Variants in TRO observed in about 807,000 individuals in gnomAD.
TRO encodes trophinin.
In TRO, 29 loss-of-function variants were observed where a neutral mutation model predicts 42.3. The ratio of observed to expected loss-of-function variants is 0.68; its 90% confidence interval spans 0.51 to 0.93. The LOEUF (loss-of-function observed/expected upper bound fraction) is 0.93, where lower values mean the gene tolerates loss of function less well. Among genes scored for constraint, TRO ranks in the 40% least tolerant of loss-of-function variants. TRO has a pLI of 0.00. For synonymous variants in TRO, 384 were observed against 425.2 expected, an observed-to-expected ratio of 0.90 and a Z score of 1.19; for missense variants, 963 against 1,127.7, an observed-to-expected ratio of 0.85 and a Z score of 2.09.
Position 54,930,776 on chromosome X carries a change from C to T in TRO, c.4052C>T (p.Pro1351Leu), listed in dbSNP as rs780044203. Residue 1351 changes from proline (P) to leucine (L), a missense_variant, in exon 12 of 13, where the codon CCC becomes CTC. Around this residue, in one of 2 missense-constraint regions of TRO, gnomAD observed 641 missense variants for 811.3 expected, o/e 0.79. Coordinates refer to ENST00000173898, the MANE Select transcript of TRO (RefSeq NM_001039705.3). ...SNTSTGFTGE[P>L]STSTGFSSGP... is the part of the protein sequence containing the mutation. Reference sequence around the variant, plus strand: ...ACCAGCACTGGCTTTACTGGCGAACCCAGCACCAGCACGGGCTTCAGTAGT... The same window carrying T: ...ACCAGCACTGGCTTTACTGGCGAACTCAGCACCAGCACGGGCTTCAGTAGT... 8.3e-7 allele frequency: 1 copy of T among 1,212,078 alleles called. No homozygotes were observed. Among genetic ancestry groups the T allele is most frequent in the Admixed American group, 2.2e-5 (1 of 46,063 alleles).
At position 54,922,573 on chromosome X, in the gene TRO, T is replaced by C. The variant is rs1447084780; in HGVS notation, c.46-5T>C. 1.7e-6 allele frequency: 2 copies of C among 1,201,614 alleles called. No individual in the cohort carries two copies. The highest frequency in any genetic ancestry group is 3.5e-5 in the African/African-American group (2 of 56,854). On this transcript the variant is annotated splice_polypyrimidine_tract_variant and splice_region_variant and intron_variant, in intron 2 of 12. Coordinates refer to ENST00000173898, the MANE Select transcript of TRO (RefSeq NM_001039705.3). ...GCCCAGAGGATGGTAATCCTAAGTG[T>C]GTAGGGCCCTCTGCCTCCCCCGGGG...
chrX:54,927,325 G>C (rs1932801275), intron 10 of TRO: 12 of 505,063 alleles, frequency 2.4e-5, no homozygotes, highest in Non-Finnish European at 4.2e-5. Flanking sequence ...CAGAGCAGAG[G>C]GCCTTAAGAA....
chrX:54,926,856 C>T (rs935813329), intron 9 of TRO, 187 bp from the exon 10 acceptor site: 7 of 625,769 alleles, frequency 1.1e-5, no homozygotes, highest in Non-Finnish European at 1.7e-5. Context: ...GATAGACCTT[C>T]AGGGATCCCT....
intron 3 of TRO, 103 bp from the exon 4 acceptor site, chrX:54,924,348 G>A: frequency 1.3e-6 from 1 of 745,859 alleles, no homozygotes; most frequent in Non-Finnish European, 1.9e-6. Flanking sequence ...AAGGCTGAGG[G>A]AGGGGGTTAG....
intron 2 of TRO, 53 bp downstream of exon 2, chrX:54,922,344 T>G: frequency 6.9e-6 from 8 of 1,159,992 alleles, no homozygotes; most frequent in Non-Finnish European, 8.2e-6. Context: ...TGAGTTCACT[T>G]ACTGCTCTTC....
At chrX:54,925,177 T>C (rs906436339) in intron 6 of TRO, 109 bp downstream of exon 6, 1 of 781,265 alleles carries the variant, frequency 1.3e-6, no homozygotes, top group Non-Finnish European at 1.8e-6. Context: ...TCCAGCCCCA[T>C]TACTGTGTGA....
At chrX:54,924,312 A>C in intron 3 of TRO, 139 bp from the exon 4 acceptor site, 1 of 532,483 alleles carries the variant, frequency 1.9e-6, no homozygotes. Context: ...GCCAATGGCA[A>C]GGTCAGGATC....
At position 54,927,711 on chromosome X, in the gene TRO, A is replaced by G. The variant is rs1311769589; in HGVS notation, c.1808A>G (p.Tyr603Cys). Residue 603 changes from tyrosine to cysteine, a missense_variant, in exon 11 of 13, where the codon TAT (tyrosine) becomes TGT (cysteine). Transcript: ENST00000173898. ...GTCCCTAACAGCAGACCACCTGAAT[A>G]TGAGTTCTTCTGGGGCTTGCGCTCC... ...KRVPNSRPPE[Y>C]EFFWGLRSYH... is the part of the protein sequence containing the mutation. The G allele has an allele frequency of 8.3e-7, 1 of 1,211,606 alleles. No individual in the cohort carries two copies. The highest frequency in any genetic ancestry group is 1.1e-6 in the Non-Finnish European group (1 of 895,419).
rs774004183 is a variant in TRO at position 54,924,998 on chromosome X, G to A, written c.1415G>A (p.Arg472Lys). The part of the protein sequence containing the change: ...KIPIKRSDML[R>K]DVIQEYDEYF... ...CTCTCCTTTTCTACAGACATGCTGAGGGATGTCATCCAAGAATATGATGAA... is the reference window on the plus strand; with the variant it reads ...CTCTCCTTTTCTACAGACATGCTGAAGGATGTCATCCAAGAATATGATGAA... Residue 472 changes from arginine to lysine, a missense_variant, in exon 6 of 13, where the codon AGG (arginine) becomes AAG (lysine). By Grantham distance (26) the Arg-to-Lys change is conservative. Coordinates refer to ENST00000173898, the MANE Select transcript of TRO (RefSeq NM_001039705.3). 18 of 1,209,151 alleles carry A rather than the reference G, an allele frequency of 1.5e-5. No homozygotes were observed. In the Middle Eastern group the frequency reaches 6.9e-4, roughly 46 times the overall value.
chrX:54,922,129 A>T, intron 1 of TRO, 74 bp from the exon 2 acceptor site: 1 of 822,435 alleles, frequency 1.2e-6, no homozygotes, highest in Non-Finnish European at 1.7e-6. Context: ...GCCCAAGGTT[A>T]CATGAGACTC....
intron 3 of TRO, 47 bp downstream of exon 3, chrX:54,923,815 T>C (rs1485932340): frequency 9.1e-7 from 1 of 1,101,834 alleles, no homozygotes; most frequent in Non-Finnish European, 1.2e-6. Context: ...TTCTTTTCCA[T>C]TTCTACCCTT....
chrX:54,925,455 G>A (rs966374170), intron 6 of TRO, 137 bp from the exon 7 acceptor site: 7 of 501,719 alleles, frequency 1.4e-5, no homozygotes, highest in Admixed American at 1.1e-4. Flanking sequence ...TTGGCTATGT[G>A]CTTTATGTGC....
Position 54,920,892 on chromosome X carries a change from C to G in TRO, c.-45+14C>G, listed in dbSNP as rs187209993. Reference sequence around the variant, plus strand: ...CAAGAAGACGAGGTGAGCTGAGGTACCTGGCTTTAGTGAAGACCCTGTGGG... The same window carrying G: ...CAAGAAGACGAGGTGAGCTGAGGTAGCTGGCTTTAGTGAAGACCCTGTGGG... On this transcript the variant is annotated intron_variant, in intron 1 of 12. Coordinates refer to ENST00000173898, the MANE Select transcript of TRO (RefSeq NM_001039705.3). The G allele has an allele frequency of 1.8e-5, 2 of 110,596 alleles. No homozygotes were observed. The highest frequency in any genetic ancestry group is 6.6e-5 in the African/African-American group (2 of 30,318). The allele number at this position is 110,596 out of a possible 1,213,427, so 9.1% of individuals were successfully genotyped here.
At position 54,925,178 on chromosome X, in the gene TRO, T is replaced by C. The variant is rs1252157447; in HGVS notation, c.1485+110T>C. The C allele has an allele frequency of 9.0e-6, 7 of 774,007 alleles. No individual in the cohort carries two copies. In the Admixed American group the frequency reaches 2.1e-4, roughly 23 times the overall value. The allele number at this position is 774,007 out of a possible 1,213,427, so 63.8% of individuals were successfully genotyped here. A position where few individuals can be genotyped will look rare whatever the true frequency, so the allele number is the denominator to read the frequency against. ...CAGAAACATGCTAATCCAGCCCCAT[T>C]ACTGTGTGAATGGGCAGACAGTGGC... On this transcript the variant is annotated intron_variant, in intron 6 of 12. Transcript: ENST00000173898.
intron 2 of TRO, 125 bp from the exon 3 acceptor site, chrX:54,922,453 A>T: frequency 5.5e-6 from 5 of 904,524 alleles, no homozygotes; most frequent in Non-Finnish European, 7.6e-6. Flanking sequence ...GCCTGACTCT[A>T]TTCCTTCCTT....
Position 54,923,030 on chromosome X carries a change from G to A in TRO, c.498G>A (p.Leu166=). The change falls in exon 3 of 13, where the codon CTG becomes CTA. Residue 166 remains leucine (L), a synonymous_variant. Transcript: ENST00000173898. The part of the protein sequence containing the change: ...PTGHEGGTIQ[L]KSPLQVLKLP... ...GCCATGAGGGTGGCACTATACAGCTGAAGTCACCCTTGCAGGTCCTAAAGC... is the reference window on the plus strand; with the variant it reads ...GCCATGAGGGTGGCACTATACAGCTAAAGTCACCCTTGCAGGTCCTAAAGC... 1 of 1,211,992 alleles carries A rather than the reference G, an allele frequency of 8.3e-7. No individual in the cohort carries two copies. The highest frequency in any genetic ancestry group is 1.1e-6 in the Non-Finnish European group (1 of 895,580).
intron 4 of TRO, 21 bp downstream of exon 4, chrX:54,924,576 A>G (rs1232382239): frequency 2.5e-6 from 3 of 1,201,088 alleles, no homozygotes; most frequent in East Asian, 3.0e-5. Flanking sequence ...AATGCTGTCC[A>G]GTCTCTTCTC....
chrX:54,929,245 T>G lies in TRO; in HGVS notation c.2521T>G (p.Phe841Val), dbSNP rs1932899141. The change falls in exon 12 of 13, where the codon TTC becomes GTC. Residue 841 changes from phenylalanine to valine, a missense_variant. Phe to Val is a conservative substitution (Grantham distance 50, BLOSUM62 -1). This residue lies in a region of TRO where 641 missense variants were observed against 811.3 expected (regional missense o/e 0.79). Coordinates refer to ENST00000173898, the MANE Select transcript of TRO (RefSeq NM_001039705.3). The part of the protein sequence containing the change: ...FSGPLSTSAT[F>V]SGGASSGFGG... The stretch of plus-strand genomic sequence containing the variant: ...TGGCCCACTCAGCACCAGTGCCACT[T>G]TCAGTGGTGGAGCCAGCTCTGGCTT... 4.1e-6 allele frequency: 5 copies of G among 1,212,001 alleles called. No individual in the cohort carries two copies. Among genetic ancestry groups the G allele is most frequent in the Non-Finnish European group, 4.5e-6 (4 of 895,496 alleles).
At position 54,923,045 on chromosome X, in the gene TRO, G is replaced by A; in HGVS notation, c.513G>A (p.Gln171=). ...GGTIQLKSPL[Q]VLKLPVISQN... ...CTATACAGCTGAAGTCACCCTTGCA[G>A]GTCCTAAAGCTACCAGTCATCTCAC... is the stretch of plus-strand genomic sequence containing the variant. The change falls in exon 3 of 13, where the codon CAG becomes CAA. Residue 171 remains glutamine (Q), a synonymous_variant. Transcript: ENST00000173898. 2.5e-6 allele frequency: 3 copies of A among 1,212,038 alleles called. No homozygotes were observed. Among genetic ancestry groups the A allele is most frequent in the Non-Finnish European group, 3.3e-6 (3 of 895,623 alleles).
Sources: allele counts gnomAD v4.1 joint callset, GRCh38; gene constraint gnomAD v4.1.1; regional missense constraint gnomAD v4.1.1; transcripts MANE v1.5; gene names NCBI Gene and HGNC (gene_info 2026-07-23, HGNC 2026-07-21).